Variants in SEPHS1 observed in about 807,000 individuals in gnomAD.
The protein encoded by SEPHS1 is zincore component SEPHS1.
In SEPHS1, 7 loss-of-function variants were observed where a neutral mutation model predicts 39.2. The observed-to-expected ratio is 0.18, with a 90% CI of 0.10 to 0.34. SEPHS1 has a LOEUF of 0.34. SEPHS1 is among the 10% of genes least tolerant of loss of function. The probability of loss-of-function intolerance (pLI) is 1.00; values close to 1 mark genes in which losing one functional copy is unlikely to be tolerated. For missense variants in SEPHS1, 253 were observed against 514.5 expected, an observed-to-expected ratio of 0.49 and a Z score of 4.92; for synonymous variants, 190 against 195.5, an observed-to-expected ratio of 0.97 and a Z score of 0.23.
At chr10:13,341,679 G>A (rs974311318) in intron 2 of SEPHS1, among the ~76,000 whole-genome samples, 5 of 152,168 alleles carry the variant, frequency 3.3e-5, no homozygotes, top group Admixed American at 6.5e-5. Flanking sequence ...TAAACAGGCC[G>A]GGCGCGGGGG....
intron 2 of SEPHS1, among the ~76,000 whole-genome samples, chr10:13,344,209 C>A (rs1049128021): frequency 2.6e-5 from 4 of 152,098 alleles, no homozygotes; most frequent in African/African-American, 9.7e-5. Context: ...AAGTACAGCA[C>A]AAGAACCCTA....
intron 6 of SEPHS1, 32 bp downstream of exon 6, chr10:13,329,666 C>A: frequency 6.6e-7 from 1 of 1,512,364 alleles, no homozygotes; most frequent in East Asian, 2.3e-5. Flanking sequence ...GTACCATTCC[C>A]CTCCCTCCCA....
At chr10:13,321,847 C>T (rs1226666563) in intron 8 of SEPHS1, among the ~76,000 whole-genome samples, 1 of 152,120 alleles carries the variant, frequency 6.6e-6, no homozygotes, top group Non-Finnish European at 1.5e-5. Context: ...AGGAGGACGT[C>T]CCACAAGTTC....
intron 2 of SEPHS1, among the ~76,000 whole-genome samples, chr10:13,343,868 C>A (rs1833860237): frequency 6.6e-6 from 1 of 152,142 alleles, no homozygotes; most frequent in African/African-American, 2.4e-5. Flanking sequence ...AACATCCAAA[C>A]CTCCGAAACT....
Position 13,319,160 on chromosome 10 carries a change from T to C in SEPHS1, c.1161A>G (p.Thr387=). 1 of 1,613,080 alleles carries C rather than the reference T, an allele frequency of 6.2e-7. No homozygotes were observed. Residue 387 remains threonine, a synonymous_variant, in exon 9 of 9, where the codon ACA becomes ACG. Coordinates refer to ENST00000327347, the MANE Select transcript of SEPHS1 (RefSeq NM_012247.5). ...PQVATQNVNP[T]PGATS ...GTCTAGATTAAGAGGTGGCCCCGGG[T>C]GTGGGATTCACATTTTGAGTGGCCA...
At chr10:13,336,911 G>A (rs1833653349) in intron 3 of SEPHS1, among the ~76,000 whole-genome samples, 4 of 152,222 alleles carry the variant, frequency 2.6e-5, no homozygotes, top group Admixed American at 2.0e-4. Context: ...AGCAATTTGA[G>A]AGGCCGAATC....
chr10:13,320,460 C>T (rs191149098), intron 8 of SEPHS1, among the ~76,000 whole-genome samples: 2 of 151,826 alleles, frequency 1.3e-5, no homozygotes, highest in African/African-American at 4.8e-5. Flanking sequence ...GGATTACAGG[C>T]GTGAGCCACT....
chr10:13,335,214 C>T (rs1157343159), intron 4 of SEPHS1, among the ~76,000 whole-genome samples: 3 of 152,206 alleles, frequency 2.0e-5, no homozygotes, highest in South Asian at 2.1e-4. Flanking sequence ...GACACAGAGG[C>T]GTGAGCCCCT....
At chr10:13,334,027 A>G in intron 4 of SEPHS1, 56 bp from the exon 5 acceptor site, 1 of 1,490,996 alleles carries the variant, frequency 6.7e-7, no homozygotes, top group Non-Finnish European at 9.1e-7. Context: ...AAAACCCAGA[A>G]AAGAAGGTTT....
chr10:13,328,468 G>C lies in SEPHS1; in HGVS notation c.652-18C>G, dbSNP rs1409516320. 1.3e-6 allele frequency: 2 copies of C among 1,524,176 alleles called. No individual in the cohort carries two copies. The highest frequency in any genetic ancestry group is 1.8e-6 in the Non-Finnish European group (2 of 1,101,598). 94.4% of individuals were successfully genotyped at this position (1,524,176 alleles called of 1,614,324 possible). On this transcript the variant is annotated intron_variant, in intron 6 of 8. Coordinates refer to ENST00000327347, the MANE Select transcript of SEPHS1 (RefSeq NM_012247.5). ...TTCTCAGGCTGATAATAGAAATGTA[G>C]GTGAGGGAGAGAAAGAGAGGAAAAT... is the stretch of plus-strand genomic sequence containing the variant.
chr10:13,318,790 C>T lies in SEPHS1; in HGVS notation c.*352G>A. Reference sequence around the variant, plus strand: ...ATAAATATACATAAAATGAAGACACCAACTGCTATTTGACACGACTACGGG... The same window carrying T: ...ATAAATATACATAAAATGAAGACACTAACTGCTATTTGACACGACTACGGG... On this transcript the variant is annotated 3_prime_UTR_variant, in exon 9 of 9. Transcript: ENST00000327347. 1 of 216,072 alleles carries T rather than the reference C, an allele frequency of 4.6e-6. No individual in the cohort carries two copies. Among genetic ancestry groups the T allele is most frequent in the Non-Finnish European group, 9.0e-6 (1 of 111,304 alleles). The allele number at this position is 216,072 out of a possible 1,614,324, so 13.4% of individuals were successfully genotyped here.
chr10:13,328,087 A>G (rs1483740200), intron 7 of SEPHS1, among the ~76,000 whole-genome samples: 2 of 152,160 alleles, frequency 1.3e-5, no homozygotes, highest in Non-Finnish European at 2.9e-5. Flanking sequence ...CAAATCTTAC[A>G]TAGGTAACCC....
Position 13,333,948 on chromosome 10 carries a change from C to T in SEPHS1, c.429G>A (p.Leu143=). 1 of 1,613,594 alleles carries T rather than the reference C, an allele frequency of 6.2e-7. No individual in the cohort carries two copies. The highest frequency in any genetic ancestry group is 8.5e-7 in the Non-Finnish European group (1 of 1,179,850). The part of the protein sequence containing the change: ...TDRERDKVMP[L]IIQGFKDAAE... ...CTGCGTCTTTAAAACCTTGGATAAT[C>T]AGAGGCATCACTTTATCCCTTTCCT... The change falls in exon 5 of 9, where the codon CTG becomes CTA. Residue 143 remains leucine (L), a synonymous_variant. Coordinates refer to ENST00000327347, the MANE Select transcript of SEPHS1 (RefSeq NM_012247.5).
intron 2 of SEPHS1, 61 bp from the exon 3 acceptor site, chr10:13,338,869 T>A: frequency 8.5e-7 from 1 of 1,181,484 alleles, no homozygotes; most frequent in Non-Finnish European, 1.3e-6. Flanking sequence ...TCATTTTATA[T>A]CACCAGTGCT....
At chr10:13,321,062 G>A (rs896812266) in intron 8 of SEPHS1, among the ~76,000 whole-genome samples, 44 of 152,074 alleles carry the variant, frequency 2.9e-4, no homozygotes, top group Non-Finnish European at 4.1e-4. Context: ...TGAGAGGCCT[G>A]GCAGAGTCCT....
intron 3 of SEPHS1, among the ~76,000 whole-genome samples, chr10:13,336,921 C>A (rs1447524509): frequency 1.3e-5 from 2 of 152,200 alleles, no homozygotes; most frequent in Non-Finnish European, 2.9e-5. Flanking sequence ...GAGGCCGAAT[C>A]AGGTGGATCA....
rs141674998 is a variant in SEPHS1 at position 13,319,239 on chromosome 10, T to C, written c.1082A>G (p.Asn361Ser). 2.8e-5 allele frequency: 45 copies of C among 1,613,862 alleles called. No homozygotes were observed. The highest frequency in any genetic ancestry group is 3.6e-5 in the Non-Finnish European group (43 of 1,179,888). ...AWIIGIVEKG[N>S]RTARIIDKPR... ...TTTGTCTATGATTCTGGCTGTGCGGTTGCCCTTCTCTACAATCCCAATAAT... is the reference window on the plus strand; with the variant it reads ...TTTGTCTATGATTCTGGCTGTGCGGCTGCCCTTCTCTACAATCCCAATAAT... Residue 361 changes from asparagine (N) to serine (S), a missense_variant, in exon 9 of 9, where the codon AAC (asparagine) becomes AGC (serine). Physicochemically the swap from Asn to Ser is conservative, Grantham distance 46. Coordinates refer to ENST00000327347, the MANE Select transcript of SEPHS1 (RefSeq NM_012247.5).
intron 5 of SEPHS1, among the ~76,000 whole-genome samples, chr10:13,331,535 T>C (rs567460967): frequency 1.8e-4 from 28 of 152,150 alleles, no homozygotes; most frequent in African/African-American, 6.7e-4. Context: ...GCGCCTGCCA[T>C]CGTGCCCGGC....
In SEPHS1 at chr10:13,319,149, G is replaced by A; in HGVS notation, c.1172C>T (p.Thr391Ile). 2.5e-6 allele frequency: 4 copies of A among 1,612,096 alleles called. No homozygotes were observed. The highest frequency in any genetic ancestry group is 3.4e-6 in the Non-Finnish European group (4 of 1,179,408). ...TQNVNPTPGATS is the reference protein window; with the variant it reads ...TQNVNPTPGAIS ...CAGCTATTTCTGTCTAGATTAAGAGGTGGCCCCGGGTGTGGGATTCACATT... is the reference window on the plus strand; with the variant it reads ...CAGCTATTTCTGTCTAGATTAAGAGATGGCCCCGGGTGTGGGATTCACATT... The change falls in exon 9 of 9, where the codon ACC (threonine) becomes ATC (isoleucine). Residue 391 changes from threonine (T) to isoleucine (I), a missense_variant. By Grantham distance (89) the Thr-to-Ile change is moderately conservative. Transcript: ENST00000327347.
Sources: gnomAD v4.1 joint callset for allele counts (sites outside exome capture counted in the v4.1 genomes callset) on GRCh38, gnomAD v4.1.1 for gene constraint, MANE v1.5 for transcripts, NCBI Gene and HGNC (gene_info 2026-07-23, HGNC 2026-07-21) for gene names.